The following ZNF420 variants were observed in gnomAD, a reference collection of about 807,000 sequenced individuals.
ZNF420 encodes the protein ATM and p53-associated KZNF protein.
Under a neutral mutation model 44.7 loss-of-function variants are expected in ZNF420, and 31 were observed. The ratio of observed to expected loss-of-function variants is 0.69; its 90% CI spans 0.52 to 0.94. The LOEUF is 0.94. Ranked by LOEUF, ZNF420 falls within the 40% of genes least tolerant of loss-of-function variation. The pLI, the probability that ZNF420 is intolerant of heterozygous loss-of-function variation, is 0.00. For missense variants in ZNF420, 681 were observed against 827.9 expected (o/e 0.82, Z 2.18); for synonymous variants, 245 against 267.4 (o/e 0.92, Z 0.82).
intron 4 of ZNF420, chr19:37,092,299 T>TA (rs1197307433): frequency 6.6e-6 from 1 of 152,202 alleles, no homozygotes; most frequent in African/African-American, 2.4e-5. Context: ...TAAAGACTCT[T>TA]ACCTAATTTC....
intron 4 of ZNF420, chr19:37,093,243 G>A (rs962245997): frequency 1.2e-4 from 19 of 152,060 alleles, no homozygotes; most frequent in African/African-American, 3.9e-4. Context: ...AAGAACTCAC[G>A]ACAGAGTCTT....
intron 4 of ZNF420, among the ~76,000 whole-genome samples, chr19:37,121,013 T>C (rs1970997901): frequency 6.6e-6 from 1 of 151,828 alleles, no homozygotes; most frequent in South Asian, 2.1e-4. Flanking sequence ...TGCTCATGGG[T>C]TGGAAGAATC....
chr19:37,127,576 TGCATGTAA>T lies in ZNF420; in HGVS notation c.587_594del (p.Ala196GlyfsTer17). On this transcript the variant is annotated frameshift_variant, in exon 5 of 5. Coordinates refer to ENST00000337995, the MANE Select transcript of ZNF420 (RefSeq NM_144689.5). LOFTEE classifies it high-confidence loss of function. ...GACTTCATACTGGTGAGAAACCCTA[TGCATGTAA>T]GGAATGTGGGAAGGCCTTTACTCAA... The T allele has an allele frequency of 6.2e-7, 1 of 1,614,058 alleles. No individual in the cohort carries two copies. The highest frequency in any genetic ancestry group is 8.5e-7 in the Non-Finnish European group (1 of 1,179,942).
chr19:37,036,341 G>A (rs1967354521), intron 1 of ZNF420, among the ~76,000 whole-genome samples: 1 of 152,076 alleles, frequency 6.6e-6, no homozygotes, highest in Non-Finnish European at 1.5e-5. Context: ...AATATCACAT[G>A]TACCCTAGAA....
chr19:37,101,327 TC>T (rs1969765736), intron 4 of ZNF420, among the ~76,000 whole-genome samples: 1 of 152,242 alleles, frequency 6.6e-6, no homozygotes, highest in South Asian at 2.1e-4. Flanking sequence ...AAACCCCATT[TC>T]TACTAAAAAT....
At chr19:37,009,333 T>A (rs2146364419) in intron 1 of ZNF420, among the ~76,000 whole-genome samples, 2 of 152,252 alleles carry the variant, frequency 1.3e-5, no homozygotes, top group South Asian at 4.1e-4. Flanking sequence ...CCCCAAAATG[T>A]GGCTTGGACT....
At chr19:37,096,322 G>C (rs1296116342) in intron 4 of ZNF420, among the ~76,000 whole-genome samples, 1 of 151,634 alleles carries the variant, frequency 6.6e-6, no homozygotes, top group Non-Finnish European at 1.5e-5. Flanking sequence ...CCCAATTTCT[G>C]GGAAACAGGT....
intron 4 of ZNF420, among the ~76,000 whole-genome samples, chr19:37,113,036 T>TG (rs1488601241): frequency 6.6e-6 from 1 of 152,114 alleles, no homozygotes; most frequent in Non-Finnish European, 1.5e-5. Flanking sequence ...CTTGTGACAG[T>TG]GGGGGTTGTT....
At chr19:37,106,354 A>G (rs529082310) in intron 4 of ZNF420, among the ~76,000 whole-genome samples, 23 of 152,310 alleles carry the variant, frequency 1.5e-4, no homozygotes, top group African/African-American at 5.3e-4. Context: ...CTTGCATCCC[A>G]GGGATGAAGC....
chr19:37,125,354 A>G (rs578032524), intron 4 of ZNF420, among the ~76,000 whole-genome samples: 184 of 152,350 alleles, frequency 1.2e-3, no homozygotes, highest in African/African-American at 4.3e-3. Flanking sequence ...GCAACTTAGT[A>G]TCCTATTTGA....
chr19:37,126,101 TTTA>T (rs142245838), intron 4 of ZNF420, among the ~76,000 whole-genome samples: 3,484 of 152,346 alleles, frequency 0.023, 142 homozygotes, highest in African/African-American at 0.079. Flanking sequence ...CCACCCACTC[TTTA>T]TTATGTAAAC....
chr19:37,064,065 A>G (rs1967925058), intron 1 of ZNF420, among the ~76,000 whole-genome samples: 1 of 152,224 alleles, frequency 6.6e-6, no homozygotes, highest in African/African-American at 2.4e-5. Flanking sequence ...TTGTAGAAAG[A>G]ATGCCACAAA....
At chr19:37,049,984 A>G (rs536140130) in intron 1 of ZNF420, among the ~76,000 whole-genome samples, 66 of 152,254 alleles carry the variant, frequency 4.3e-4, no homozygotes, top group African/African-American at 1.5e-3. Flanking sequence ...TCCTTTCCCC[A>G]TTTCTTGTTT....
At chr19:37,087,135 A>C (rs1216080605) in intron 2 of ZNF420, among the ~76,000 whole-genome samples, 1 of 151,974 alleles carries the variant, frequency 6.6e-6, no homozygotes, top group Non-Finnish European at 1.5e-5. Context: ...AAAAGTAAAA[A>C]TTAGGTGAGT....
At chr19:37,049,028 C>T (rs574469496) in intron 1 of ZNF420, among the ~76,000 whole-genome samples, 16 of 152,032 alleles carry the variant, frequency 1.1e-4, no homozygotes, top group Admixed American at 5.9e-4. Context: ...CATCCATGTC[C>T]CTACAAAGGA....
At position 37,127,217 on chromosome 19, in the gene ZNF420, C is replaced by G; in HGVS notation, c.226C>G (p.Leu76Val). The G allele has an allele frequency of 6.2e-7, 1 of 1,607,372 alleles. No individual in the cohort carries two copies. The highest frequency in any genetic ancestry group is 8.5e-7 in the Non-Finnish European group (1 of 1,176,976). ...ATCCCAATGGGAAATGAGTGACAGA[C>G]TTGAAAACTGTGATCTTGAAGAGTC... Reference protein sequence around the residue: ...ELSQWEMSDRLENCDLEESNS... With the variant: ...ELSQWEMSDRVENCDLEESNS... The change falls in exon 5 of 5, where the codon CTT becomes GTT. Residue 76 changes from leucine to valine, a missense_variant. Leu to Val is a conservative substitution (Grantham distance 32). Around this residue, in one of 3 missense-constraint regions of ZNF420, gnomAD observed 350 missense variants for 382.5 expected, o/e 0.92. Transcript: ENST00000337995.
chr19:37,030,975 C>T (rs978083548), intron 1 of ZNF420, among the ~76,000 whole-genome samples: 1 of 152,130 alleles, frequency 6.6e-6, no homozygotes, highest in Non-Finnish European at 1.5e-5. Context: ...TCACTGTAGC[C>T]TCCCAAGTAG....
chr19:37,118,723 C>G (rs373704426), intron 4 of ZNF420, among the ~76,000 whole-genome samples: 2,707 of 151,210 alleles, frequency 0.018, 61 homozygotes, highest in East Asian at 0.046. Flanking sequence ...TTCAGGAAAC[C>G]CATCTCACGT....
At chr19:37,115,249 T>C (rs11670374) in intron 4 of ZNF420, 38,532 of 157,516 alleles carry the variant, frequency 0.24, 5,640 homozygotes, top group Non-Finnish European at 0.33. Context: ...TCAGGTGGAA[T>C]GAGAGACTTG....
Sources: gnomAD v4.1 joint callset for allele counts (sites outside exome capture counted in the v4.1 genomes callset) on GRCh38, gnomAD v4.1.1 for gene constraint, gnomAD v4.1.1 regional missense constraint, MANE v1.5 for transcripts, NCBI Gene and HGNC (gene_info 2026-07-23, HGNC 2026-07-21) for gene names.